The following PFKFB4 variants were observed in gnomAD, a reference collection of about 807,000 sequenced individuals.
PFKFB4 encodes the protein 6-phosphofructo-2-kinase/fructose-2,6-bisphosphatase 4.
In PFKFB4, 42 loss-of-function variants were observed where a neutral mutation model predicts 62.8. The ratio of observed to expected loss-of-function variants is 0.67; its 90% CI spans 0.52 to 0.86. PFKFB4 has a LOEUF of 0.86. Among genes scored for constraint, PFKFB4 ranks in the 40% least tolerant of loss-of-function variants. The pLI, the probability that PFKFB4 is intolerant of heterozygous loss-of-function variation, is 0.00. For synonymous variants in PFKFB4, 204 were observed against 240.7 expected (o/e 0.85, Z 1.41); for missense variants, 475 against 627.2 (o/e 0.76, Z 2.59).
chr3:48,559,106 C>CA (rs1233497566), upstream of PFKFB4, among the ~76,000 whole-genome samples: 8 of 152,166 alleles, frequency 5.3e-5, no homozygotes, highest in African/African-American at 1.9e-4. Flanking sequence ...GGCAGGGGGC[C>CA]AGGGCTATCT....
intron 3 of PFKFB4, among the ~76,000 whole-genome samples, chr3:48,547,080 C>A (rs1323281111): frequency 6.6e-6 from 1 of 152,144 alleles, no homozygotes; most frequent in East Asian, 1.9e-4. Flanking sequence ...GTCACCCTAG[C>A]AAATCACTGA....
At chr3:48,531,902 AAAC>A (rs767015885) in intron 9 of PFKFB4, among the ~76,000 whole-genome samples, 18 of 152,232 alleles carry the variant, frequency 1.2e-4, no homozygotes, top group Non-Finnish European at 2.5e-4. Flanking sequence ...AAAGAAAAGA[AAAC>A]AACAAGTGTT....
chr3:48,532,800 T>C (rs148320992), intron 9 of PFKFB4, among the ~76,000 whole-genome samples: 4 of 152,270 alleles, frequency 2.6e-5, no homozygotes, highest in Non-Finnish European at 2.9e-5. Flanking sequence ...GATTTCCACA[T>C]TGCACTGTAG....
intron 9 of PFKFB4, among the ~76,000 whole-genome samples, chr3:48,533,598 T>C (rs1269105716): frequency 6.6e-6 from 1 of 152,228 alleles, no homozygotes; most frequent in Admixed American, 6.5e-5. Flanking sequence ...CTGACACCTG[T>C]AATCCTAGAA....
At chr3:48,543,710 G>T in intron 3 of PFKFB4, 64 bp from the exon 4 acceptor site, 2 of 1,292,342 alleles carry the variant, frequency 1.5e-6, no homozygotes, top group Non-Finnish European at 2.2e-6. Flanking sequence ...GGTGGCCAGG[G>T]ACACACAACA....
At chr3:48,550,790 C>T (rs1308539223) in intron 1 of PFKFB4, among the ~76,000 whole-genome samples, 1 of 152,212 alleles carries the variant, frequency 6.6e-6, no homozygotes, top group African/African-American at 2.4e-5. Context: ...TCTCCATGGC[C>T]ACCGGGAACA....
chr3:48,556,999 G>C (rs1294433451), upstream of PFKFB4: 5 of 1,364,096 alleles, frequency 3.7e-6, no homozygotes. This position sits in a 1 kb window ranked among gnomAD's most constrained non-coding sequence, Gnocchi z 5.7. Context: ...GCCCGTTTTG[G>C]AACAAGTGGG....
At chr3:48,546,747 GTTGA>G (rs547440415) in intron 3 of PFKFB4, among the ~76,000 whole-genome samples, 11 of 152,190 alleles carry the variant, frequency 7.2e-5, no homozygotes, top group Non-Finnish European at 1.2e-4. Context: ...CATGGTTTAT[GTTGA>G]TTATCTGCTT....
Position 48,536,263 on chromosome 3 carries a change from C to A in PFKFB4, c.833G>T (p.Gly278Val). 1 of 1,613,326 alleles carries A rather than the reference C, an allele frequency of 6.2e-7. No homozygotes were observed. Among genetic ancestry groups the A allele is most frequent in the Non-Finnish European group, 8.5e-7 (1 of 1,179,674 alleles). Reference protein sequence around the residue: ...IGGDPGLSPRGREFAKSLAQF... With the variant: ...IGGDPGLSPRVREFAKSLAQF... ...AGGGACACATGCACTGACCTCCCTG[C>A]CCCGAGGGGACAGTCCTGGGTCCCC... The change falls in exon 8 of 14, where the codon GGC (glycine) becomes GTC (valine). Residue 278 changes from glycine (G) to valine (V), a missense_variant. Physicochemically the swap from Gly to Val is moderately radical, Grantham distance 109. Coordinates refer to ENST00000232375, the MANE Select transcript of PFKFB4 (RefSeq NM_004567.4).
upstream of PFKFB4, among the ~76,000 whole-genome samples, chr3:48,558,455 T>G (rs139304976): frequency 1.3e-5 from 2 of 152,350 alleles, no homozygotes; most frequent in Non-Finnish European, 2.9e-5. Flanking sequence ...GCAACAAGAC[T>G]GGCCTCGTGG....
At chr3:48,551,680 G>A (rs1384799342) in intron 1 of PFKFB4, among the ~76,000 whole-genome samples, 2 of 150,920 alleles carry the variant, frequency 1.3e-5, no homozygotes, top group Admixed American at 6.6e-5. Flanking sequence ...AAGTAGCTGG[G>A]ATTACAAGCA....
intron 3 of PFKFB4, 77 bp downstream of exon 3, chr3:48,549,787 T>G: frequency 1.1e-6 from 1 of 890,030 alleles, no homozygotes; most frequent in Non-Finnish European, 1.9e-6. Flanking sequence ...TCTCAGTAAA[T>G]GGTCAGTAAT....
intron 4 of PFKFB4, among the ~76,000 whole-genome samples, chr3:48,542,929 G>C (rs1395278276): frequency 3.9e-5 from 6 of 152,178 alleles, no homozygotes; most frequent in African/African-American, 1.4e-4. Context: ...AAACAAATCA[G>C]TAAGTCAAAG....
At chr3:48,562,910 A>G, upstream of PFKFB4, 2 of 1,605,674 alleles carry the variant, frequency 1.2e-6, no homozygotes, top group Admixed American at 1.7e-5. This position sits in a 1 kb window ranked among gnomAD's most constrained non-coding sequence, Gnocchi z 4.3. Flanking sequence ...CGATAGGACA[A>G]TGCGCGAGCC....
intron 10 of PFKFB4, among the ~76,000 whole-genome samples, chr3:48,525,154 A>T (rs542602591): frequency 6.6e-6 from 1 of 152,270 alleles, no homozygotes; most frequent in South Asian, 2.1e-4. Context: ...AAGGGCTGAC[A>T]ACTCGCTGGG....
chr3:48,527,447 C>G (rs908041301), intron 9 of PFKFB4, among the ~76,000 whole-genome samples: 4 of 151,732 alleles, frequency 2.6e-5, no homozygotes, highest in Non-Finnish European at 4.4e-5. Context: ...CACTTGAATA[C>G]TAACACATAT....
At chr3:48,539,012 G>A (rs895981740) in intron 6 of PFKFB4, among the ~76,000 whole-genome samples, 1 of 152,068 alleles carries the variant, frequency 6.6e-6, no homozygotes, top group Non-Finnish European at 1.5e-5. Context: ...TTCCACCCCT[G>A]CTGAAGGTGC....
chr3:48,537,290 C>T (rs2042651045), intron 7 of PFKFB4, among the ~76,000 whole-genome samples: 1 of 152,184 alleles, frequency 6.6e-6, no homozygotes, highest in Non-Finnish European at 1.5e-5. Context: ...CGCTTACTGA[C>T]AAATCCAACA....
At chr3:48,530,297 AT>A (rs1389831090) in intron 9 of PFKFB4, among the ~76,000 whole-genome samples, 2 of 152,128 alleles carry the variant, frequency 1.3e-5, no homozygotes, top group Admixed American at 1.3e-4. Flanking sequence ...TAAAACCATG[AT>A]GCTGTACTCT....
Sources: allele counts gnomAD v4.1 joint callset (sites outside exome capture counted in the v4.1 genomes callset), GRCh38; gene constraint gnomAD v4.1.1; non-coding constraint Gnocchi (gnomAD v3.1); transcripts MANE v1.5; gene names NCBI Gene and HGNC (gene_info 2026-07-23, HGNC 2026-07-21).